The following CEP350 variants were observed in gnomAD, a reference collection of about 807,000 sequenced individuals.
The protein encoded by CEP350 is centrosome-associated protein 350.
CEP350 carries 126 observed loss-of-function variants against 331.8 expected under a neutral mutation model. The ratio of observed to expected loss-of-function variants is 0.38; its 90% CI spans 0.33 to 0.44. The LOEUF (loss-of-function observed/expected upper bound fraction) is 0.44, where lower values mean the gene tolerates loss of function less well. CEP350 is among the 20% of genes least tolerant of loss of function. CEP350 has a pLI of 1.00. For missense variants in CEP350, 3,406 were observed against 3,634.6 expected, an observed-to-expected ratio of 0.94 and a Z score of 1.62; for synonymous variants, 1,200 against 1,259.5, an observed-to-expected ratio of 0.95 and a Z score of 1.00.
At chr1:180,044,689 AGGGG>A (rs1571914252) in intron 21 of CEP350, among the ~76,000 whole-genome samples, 1 of 53,650 alleles carries the variant, frequency 1.9e-5, no homozygotes, top group African/African-American at 7.6e-5. Flanking sequence ...GGGTGGGGGG[AGGGG>A]GGAGGGATAG....
chr1:180,052,088 C>A (rs1170597385), intron 22 of CEP350: 5 of 342,566 alleles, frequency 1.5e-5, no homozygotes, highest in African/African-American at 1.1e-4. Flanking sequence ...ACTATGTGCA[C>A]ACACGTATAC....
chr1:180,097,725 G>C (rs1425483962), intron 36 of CEP350, among the ~76,000 whole-genome samples: 1 of 152,002 alleles, frequency 6.6e-6, no homozygotes, highest in Non-Finnish European at 1.5e-5. Context: ...GTTTTTAAGG[G>C]TGATAGTTCA....
chr1:180,059,631 T>C (rs1297397336), intron 25 of CEP350, among the ~76,000 whole-genome samples: 1 of 152,132 alleles, frequency 6.6e-6, no homozygotes, highest in Admixed American at 6.5e-5. Context: ...GAGCCTTTTT[T>C]TTTTTTTCAT....
chr1:180,093,241 T>C lies in CEP350; in HGVS notation c.7136T>C (p.Phe2379Ser). 1 of 1,602,098 alleles carries C rather than the reference T, an allele frequency of 6.2e-7. No homozygotes were observed. Among genetic ancestry groups the C allele is most frequent in the African/African-American group, 1.3e-5 (1 of 74,968 alleles). Residue 2379 changes from phenylalanine to serine, a missense_variant, in exon 34 of 38, where the codon TTT (phenylalanine) becomes TCT (serine). This residue lies in a region of CEP350 where 1,415 missense variants were observed against 1,512.3 expected (regional missense o/e 0.94). Transcript: ENST00000367607. Reference protein sequence around the residue: ...APKEIPYSEDFEVSSFKKEIS... With the variant: ...APKEIPYSEDSEVSSFKKEIS... The stretch of plus-strand genomic sequence containing the variant: ...AAAGAGATACCATACTCTGAAGATT[T>C]TGAAGTGTCTTCTTTCAAGAAAGAA...
At chr1:180,070,265 A>G (rs1658802285) in intron 27 of CEP350, among the ~76,000 whole-genome samples, 1 of 152,198 alleles carries the variant, frequency 6.6e-6, no homozygotes, top group Non-Finnish European at 1.5e-5. Flanking sequence ...ATCTTTTATA[A>G]TGAAAGGATT....
At chr1:180,100,292 C>T (rs1042881124) in intron 37 of CEP350, among the ~76,000 whole-genome samples, 6 of 152,238 alleles carry the variant, frequency 3.9e-5, no homozygotes, top group Admixed American at 1.3e-4. Flanking sequence ...AAATAAGAGA[C>T]GAGATTTTAA....
intron 32 of CEP350, among the ~76,000 whole-genome samples, chr1:180,089,810 T>G (rs547598463): frequency 1.3e-5 from 2 of 152,034 alleles, no homozygotes; most frequent in South Asian, 2.1e-4. Context: ...GTTAGAAATA[T>G]GAGGAGGATA....
intron 37 of CEP350, among the ~76,000 whole-genome samples, chr1:180,103,983 A>ATATACAAATATATATTTTAAAATC (rs1660984636): frequency 6.8e-6 from 1 of 147,184 alleles, no homozygotes; most frequent in Non-Finnish European, 1.5e-5. Context: ...ATTTTAAAAT[A>ATATACAAATATATATTTTAAAATC]TATACAAATA....
chr1:179,999,001 C>T (rs994918568), intron 6 of CEP350, among the ~76,000 whole-genome samples: 4 of 151,986 alleles, frequency 2.6e-5, no homozygotes, highest in African/African-American at 7.2e-5. Flanking sequence ...TCTAGTCATT[C>T]GTGTATCACA....
At chr1:180,058,429 G>A (rs1410888393) in intron 25 of CEP350, among the ~76,000 whole-genome samples, 1 of 152,074 alleles carries the variant, frequency 6.6e-6, no homozygotes, top group East Asian at 1.9e-4. Context: ...AAGATGCAAA[G>A]AATATATACA....
rs76697562 is a variant in CEP350 at position 180,114,731 on chromosome 1, A to G, written c.*3570A>G. On this transcript the variant is annotated 3_prime_UTR_variant, in exon 38 of 38. Transcript: ENST00000367607. Reference sequence around the variant, plus strand: ...ATAGTCACATCCAGTGCAATTTTGCACCGAACACTTAAGGGTGTGGTTTGT... The same window carrying G: ...ATAGTCACATCCAGTGCAATTTTGCGCCGAACACTTAAGGGTGTGGTTTGT... 16 of 152,768 alleles carry G rather than the reference A, an allele frequency of 1.0e-4. No homozygotes were observed. In the East Asian group the frequency reaches 2.9e-3, roughly 28 times the overall value. The allele number at this position is 152,768 out of a possible 1,614,324, so 9.5% of individuals were successfully genotyped here. A position where few individuals can be genotyped will look rare whatever the true frequency, so the allele number is the denominator to read the frequency against.
chr1:180,057,516 CT>C (rs374155329), intron 25 of CEP350, among the ~76,000 whole-genome samples: 5,657 of 141,316 alleles, frequency 0.04, 177 homozygotes, highest in African/African-American at 0.076. Flanking sequence ...TGTCTGTTTT[CT>C]TTTTTTTTTT....
chr1:179,993,047 C>G (rs1190435623), intron 5 of CEP350, among the ~76,000 whole-genome samples: 2 of 150,398 alleles, frequency 1.3e-5, no homozygotes, highest in Non-Finnish European at 3.0e-5. Flanking sequence ...TAATATGTTG[C>G]ATTTGATGCA....
intron 1 of CEP350, among the ~76,000 whole-genome samples, chr1:179,971,072 A>C (rs1651417177): frequency 6.7e-6 from 1 of 149,216 alleles, no homozygotes; most frequent in African/African-American, 2.5e-5. Flanking sequence ...TCTGTCGCTC[A>C]GGCTGGAGTG....
intron 1 of CEP350, among the ~76,000 whole-genome samples, chr1:179,969,836 A>G (rs1209211568): frequency 6.6e-6 from 1 of 152,006 alleles, no homozygotes; most frequent in Non-Finnish European, 1.5e-5. Context: ...CCTATCCTGG[A>G]CCCTCACTTC....
At chr1:180,090,613 G>A in intron 32 of CEP350, 101 bp from the exon 33 acceptor site, 1 of 781,496 alleles carries the variant, frequency 1.3e-6, no homozygotes, top group Non-Finnish European at 1.8e-6. Context: ...CATACCTACT[G>A]TAGAGAAGAG....
chr1:180,090,825 G>A lies in CEP350; in HGVS notation c.6508+29G>A, dbSNP rs771177862. 31 of 1,514,766 alleles carry A rather than the reference G, an allele frequency of 2.0e-5. No homozygotes were observed. In the African/African-American group the frequency reaches 4.2e-4, roughly 20 times the overall value. The allele number at this position is 1,514,766 out of a possible 1,614,324, so 93.8% of individuals were successfully genotyped here. ...TGTAACTAGAAAAAATAATTAACTTGTAGCTACATAGTCTAAGGATTTATG... is the reference window on the plus strand; with the variant it reads ...TGTAACTAGAAAAAATAATTAACTTATAGCTACATAGTCTAAGGATTTATG... On this transcript the variant is annotated intron_variant, in intron 33 of 37. Coordinates refer to ENST00000367607, the MANE Select transcript of CEP350 (RefSeq NM_014810.5).
intron 1 of CEP350, among the ~76,000 whole-genome samples, chr1:179,985,731 C>T (rs1317438041): frequency 6.7e-6 from 1 of 149,404 alleles, no homozygotes; most frequent in Non-Finnish European, 1.5e-5. Flanking sequence ...ACGAGACTCA[C>T]TTATTATCAT....
Position 180,075,189 on chromosome 1 carries a change from A to G in CEP350, c.5735A>G (p.Lys1912Arg). 6.2e-7 allele frequency: 1 copy of G among 1,613,054 alleles called. No individual in the cohort carries two copies. Among genetic ancestry groups the G allele is most frequent in the Non-Finnish European group, 8.5e-7 (1 of 1,179,524 alleles). The change falls in exon 28 of 38, where the codon AAA becomes AGA. Residue 1912 changes from lysine (K) to arginine (R), a missense_variant. Physicochemically the swap from Lys to Arg is conservative, Grantham distance 26. Coordinates refer to ENST00000367607, the MANE Select transcript of CEP350 (RefSeq NM_014810.5). The part of the protein sequence containing the change: ...KELIKPKTPK[K>R]ELEDQRTEQK... ...TTAATAAAACCCAAAACTCCTAAGA[A>G]AGAACTGGAGGACCAGAGAACAGAA...
Sources: gnomAD v4.1 joint callset for allele counts (sites outside exome capture counted in the v4.1 genomes callset) on GRCh38, gnomAD v4.1.1 for gene constraint, gnomAD v4.1.1 regional missense constraint, MANE v1.5 for transcripts, NCBI Gene and HGNC (gene_info 2026-07-23, HGNC 2026-07-21) for gene names.